Variants in SDHC observed in about 807,000 individuals in gnomAD.
SDHC encodes succinate dehydrogenase cytochrome b560 subunit, mitochondrial.
In SDHC, 11 loss-of-function variants were observed where a neutral mutation model predicts 22.6. The observed-to-expected ratio is 0.49, with a 90% CI of 0.31 to 0.81. The LOEUF is 0.81. Among genes scored for constraint, SDHC ranks in the 30% least tolerant of loss-of-function variants. The pLI, the probability that SDHC is intolerant of heterozygous loss-of-function variation, is 0.05. For missense variants in SDHC, 160 were observed against 212.0 expected, an observed-to-expected ratio of 0.75 and a Z score of 1.52; for synonymous variants, 80 against 77.8, an observed-to-expected ratio of 1.03 and a Z score of -0.15.
chr1:161,355,193 A>G (rs1463824904), intron 4 of SDHC, among the ~76,000 whole-genome samples: 4 of 152,186 alleles, frequency 2.6e-5, no homozygotes, highest in African/African-American at 7.2e-5. Flanking sequence ...GTTACATTAT[A>G]TCATTATGGT....
intron 1 of SDHC, among the ~76,000 whole-genome samples, chr1:161,318,561 C>T (rs1307806065): frequency 6.6e-6 from 1 of 152,238 alleles, no homozygotes; most frequent in African/African-American, 2.4e-5. Context: ...GAGTCATTAA[C>T]TATCTGGCCA....
At chr1:161,314,929 A>G (rs560708458) in intron 1 of SDHC, 1 of 158,382 alleles carries the variant, frequency 6.3e-6, no homozygotes, top group Non-Finnish European at 1.4e-5. Flanking sequence ...GTGGATCCCT[A>G]CTGGGGTGGC....
At chr1:161,358,930 CAAAAAAA>C (rs59347827) in intron 5 of SDHC, among the ~76,000 whole-genome samples, 1 of 115,612 alleles carries the variant, frequency 8.6e-6, no homozygotes, top group Non-Finnish European at 1.8e-5. Flanking sequence ...AATTCCGTCT[CAAAAAAA>C]AAAAAAAAAA....
chr1:161,330,996 CAAAAAAAAAAAA>C (rs61295520), intron 3 of SDHC, among the ~76,000 whole-genome samples: 2 of 102,254 alleles, frequency 2.0e-5, no homozygotes, highest in African/African-American at 6.3e-5. Context: ...GCTCTGTTTC[CAAAAAAAAAAAA>C]AAAAAAAGAG....
At chr1:161,320,104 ATCAGT>A (rs1321148835) in intron 1 of SDHC, among the ~76,000 whole-genome samples, 1 of 152,122 alleles carries the variant, frequency 6.6e-6, no homozygotes. Context: ...TGCGAGGGAG[ATCAGT>A]TCAGGAGCTC....
At chr1:161,353,485 A>G (rs1189266522) in intron 4 of SDHC, among the ~76,000 whole-genome samples, 1 of 152,154 alleles carries the variant, frequency 6.6e-6, no homozygotes, top group African/African-American at 2.4e-5. Flanking sequence ...CAGAGTGTCA[A>G]AGACTCTGAA....
At chr1:161,351,040 C>CTA (rs1200706724) in intron 4 of SDHC, among the ~76,000 whole-genome samples, 1 of 152,160 alleles carries the variant, frequency 6.6e-6, no homozygotes, top group African/African-American at 2.4e-5. Flanking sequence ...TGTTTATTCT[C>CTA]TAGAGTCCAA....
intron 1 of SDHC, among the ~76,000 whole-genome samples, chr1:161,320,322 T>A (rs1362276146): frequency 6.6e-6 from 1 of 152,204 alleles, no homozygotes; most frequent in Non-Finnish European, 1.5e-5. Flanking sequence ...ATACAAATTA[T>A]TATTCATCAT....
rs962142538 is a variant in SDHC, at chr1:161,333,139, C to T, written c.179+4642C>T. Among the ~76,000 whole-genome samples the T allele has an allele frequency of 4.7e-4, 72 of 152,288 alleles. 1 individual carries two copies. Among genetic ancestry groups the T allele is most frequent in the African/African-American group, 1.5e-3 (64 of 41,562 alleles). The stretch of plus-strand genomic sequence containing the variant: ...CTTTTACTTACCATAATGTTTTCAG[C>T]GTTCATCCATGTTTTAGCATATATC... On this transcript the variant is annotated intron_variant, in intron 3 of 5. Coordinates refer to ENST00000367975, the MANE Select transcript of SDHC (RefSeq NM_003001.5).
At chr1:161,360,474 T>C (rs1226602155) in intron 5 of SDHC, among the ~76,000 whole-genome samples, 1 of 151,554 alleles carries the variant, frequency 6.6e-6, no homozygotes, top group Non-Finnish European at 1.5e-5. Context: ...GAGGATTGCT[T>C]GAACCTGGGA....
At chr1:161,357,339 A>G (rs555988857) in intron 5 of SDHC, among the ~76,000 whole-genome samples, 7 of 152,258 alleles carry the variant, frequency 4.6e-5, no homozygotes, top group Admixed American at 2.6e-4. Flanking sequence ...TAGCTGAGCA[A>G]TGGTATAGGC....
intron 4 of SDHC, among the ~76,000 whole-genome samples, chr1:161,348,125 A>C (rs556608985): frequency 6.6e-6 from 1 of 152,170 alleles, no homozygotes; most frequent in Non-Finnish European, 1.5e-5. Flanking sequence ...ACTTTAAAAT[A>C]GAATTTATTA....
intron 4 of SDHC, among the ~76,000 whole-genome samples, chr1:161,354,371 T>A (rs768077791): frequency 9.2e-5 from 14 of 152,228 alleles, no homozygotes; most frequent in Non-Finnish European, 1.8e-4. Context: ...CTAGTAGTGG[T>A]TCACATGATG....
intron 4 of SDHC, among the ~76,000 whole-genome samples, chr1:161,347,594 G>A (rs12750496): frequency 1.3e-5 from 2 of 151,532 alleles, no homozygotes; most frequent in African/African-American, 4.8e-5. Flanking sequence ...GGGGCCAGGC[G>A]CGGTGGCTCA....
intron 1 of SDHC, among the ~76,000 whole-genome samples, chr1:161,323,288 G>A (rs547354409): frequency 3.9e-5 from 6 of 152,118 alleles, no homozygotes; most frequent in African/African-American, 1.4e-4. Context: ...GTGAGCCAGC[G>A]CGCCTGGCCC....
chr1:161,331,458 G>A (rs1183215410), intron 3 of SDHC, among the ~76,000 whole-genome samples: 3 of 151,912 alleles, frequency 2.0e-5, no homozygotes, highest in African/African-American at 4.8e-5. Context: ...TATAGACATG[G>A]TGTATCACCA....
At chr1:161,337,339 T>G (rs932719651) in intron 3 of SDHC, among the ~76,000 whole-genome samples, 1 of 152,054 alleles carries the variant, frequency 6.6e-6, no homozygotes, top group Non-Finnish European at 1.5e-5. Context: ...TGTCTTGGAG[T>G]TGATTCTGGC....
At chr1:161,349,375 G>T (rs1345156031) in intron 4 of SDHC, among the ~76,000 whole-genome samples, 1 of 152,144 alleles carries the variant, frequency 6.6e-6, no homozygotes, top group Non-Finnish European at 1.5e-5. Context: ...TGAAGCACGA[G>T]AATCGCTTGA....
chr1:161,320,195 A>T (rs988012189), intron 1 of SDHC, among the ~76,000 whole-genome samples: 1 of 152,112 alleles, frequency 6.6e-6, no homozygotes, highest in African/African-American at 2.4e-5. Flanking sequence ...CTAGCTGTTA[A>T]TGATAGGATT....
Sources: allele counts gnomAD v4.1 joint callset (sites outside exome capture counted in the v4.1 genomes callset), GRCh38; gene constraint gnomAD v4.1.1; transcripts MANE v1.5; gene names NCBI Gene and HGNC (gene_info 2026-07-23, HGNC 2026-07-21).